SMYD4: variants seen among roughly 807,000 people sequenced by gnomAD.
SMYD4 encodes protein-lysine N-methyltransferase SMYD4.
Under a neutral mutation model 72.8 loss-of-function variants are expected in SMYD4, and 68 were observed. That is an observed-to-expected ratio of 0.93 (90% CI 0.77 to 1.14). The LOEUF (loss-of-function observed/expected upper bound fraction) is 1.14, where lower values mean the gene tolerates loss of function less well. Among genes scored for constraint, SMYD4 ranks in the 50% most tolerant of loss-of-function variants. The pLI, the probability that SMYD4 is intolerant of heterozygous loss-of-function variation, is 0.00. For missense variants in SMYD4, 984 were observed against 1,003.7 expected (o/e 0.98, Z 0.27); for synonymous variants, 407 against 388.6 (o/e 1.05, Z -0.56).
chr17:1,805,648 C>T (rs768617269), intron 3 of SMYD4, among the ~76,000 whole-genome samples: 5 of 151,144 alleles, frequency 3.3e-5, no homozygotes, highest in African/African-American at 9.7e-5. Context: ...CCCATCTCTA[C>T]TAAAAATACA....
rs1296792790 is a variant in SMYD4, at chr17:1,779,567, T to A, written c.*1719A>T. On this transcript the variant is annotated 3_prime_UTR_variant, in exon 11 of 11. Coordinates refer to ENST00000305513, the MANE Select transcript of SMYD4 (RefSeq NM_052928.3). The stretch of plus-strand genomic sequence containing the variant: ...TATAAAGTCTTTACTACAACTTTGA[T>A]TTTATTAGTGGTTGGTTACTGACTC... The A allele has an allele frequency of 6.6e-6, 1 of 152,256 alleles. No homozygotes were observed. Among genetic ancestry groups the A allele is most frequent in the Non-Finnish European group, 1.5e-5 (1 of 68,056 alleles). The allele number at this position is 152,256 out of a possible 1,614,324, so 9.4% of individuals were successfully genotyped here. A position where few individuals can be genotyped will look rare whatever the true frequency, so the allele number is the denominator to read the frequency against.
chr17:1,783,227 G>A (rs1908465380), intron 9 of SMYD4, 69 bp from the exon 10 acceptor site: 1 of 1,612,794 alleles, frequency 6.2e-7, no homozygotes, highest in Admixed American at 1.7e-5. Flanking sequence ...TTTTCAGGGG[G>A]AGGAAATGGA....
intron 3 of SMYD4, among the ~76,000 whole-genome samples, chr17:1,809,910 C>T (rs1353221706): frequency 6.6e-6 from 1 of 152,120 alleles, no homozygotes; most frequent in Admixed American, 6.6e-5. Flanking sequence ...ATCCACCCAC[C>T]TCGGCCTCCC....
intron 4 of SMYD4, among the ~76,000 whole-genome samples, chr17:1,802,673 G>C (rs895190717): frequency 6.6e-6 from 1 of 152,150 alleles, no homozygotes; most frequent in Non-Finnish European, 1.5e-5. Flanking sequence ...AGTAAGTGTG[G>C]ACTTCTTACT....
At chr17:1,794,734 TA>T (rs34186438) in intron 5 of SMYD4, among the ~76,000 whole-genome samples, 113,473 of 147,428 alleles carry the variant, frequency 0.77, 44,194 homozygotes, top group African/African-American at 0.85. Flanking sequence ...TCAGTTCTCT[TA>T]AAAAAAAAAA....
intron 2 of SMYD4, among the ~76,000 whole-genome samples, chr17:1,815,942 C>T (rs141626063): frequency 0.012 from 1,851 of 151,274 alleles, 44 homozygotes; most frequent in African/African-American, 0.042. Context: ...TCAGGTGATC[C>T]GCCCGCCTTG....
intron 2 of SMYD4, among the ~76,000 whole-genome samples, chr17:1,813,084 A>G (rs909574140): frequency 6.6e-6 from 1 of 152,134 alleles, no homozygotes; most frequent in African/African-American, 2.4e-5. Context: ...GATTACAGGC[A>G]TGCACCACCA....
At chr17:1,824,691 C>T (rs866548386) in intron 2 of SMYD4, among the ~76,000 whole-genome samples, 2 of 152,118 alleles carry the variant, frequency 1.3e-5, no homozygotes, top group East Asian at 1.9e-4. Flanking sequence ...ACAATCTCAG[C>T]GCACTGCACC....
intron 3 of SMYD4, among the ~76,000 whole-genome samples, chr17:1,806,196 GA>G (rs913121504): frequency 3.9e-5 from 6 of 152,064 alleles, no homozygotes; most frequent in Non-Finnish European, 8.8e-5. Flanking sequence ...ACAAATACAT[GA>G]AATTCTTTAA....
At chr17:1,783,225 G>A in intron 9 of SMYD4, 67 bp from the exon 10 acceptor site, 1 of 1,612,822 alleles carries the variant, frequency 6.2e-7, no homozygotes, top group Non-Finnish European at 8.5e-7. Flanking sequence ...TATTTTCAGG[G>A]GGAGGAAATG....
intron 8 of SMYD4, 38 bp downstream of exon 8, chr17:1,784,283 AAAGGG>A (rs745386642): frequency 2.0e-5 from 33 of 1,611,962 alleles, no homozygotes; most frequent in Non-Finnish European, 2.7e-5. Flanking sequence ...AGAACAAATA[AAAGGG>A]AAGGGGCTGG....
chr17:1,810,828 G>A (rs771603193), intron 3 of SMYD4, among the ~76,000 whole-genome samples: 3 of 152,228 alleles, frequency 2.0e-5, no homozygotes, highest in Non-Finnish European at 2.9e-5. Context: ...GCATGCCATC[G>A]ACCAGTGCAG....
In SMYD4 at chr17:1,800,591, ACACT is replaced by A. The variant is rs764415559; in HGVS notation, c.799_802del (p.Ser267PhefsTer14). ...TGGTGGCAGTTCTCCTGGGTTGAGA[ACACT>A]CACAAAAGCATCCTCCTGCACCAGG... On this transcript the variant is annotated frameshift_variant, in exon 5 of 11. Transcript: ENST00000305513. LOFTEE classifies it high-confidence loss of function. The A allele has an allele frequency of 1.2e-6, 2 of 1,613,988 alleles. No homozygotes were observed. The highest frequency in any genetic ancestry group is 4.5e-5 in the East Asian group (2 of 44,896).
At chr17:1,798,776 T>G (rs1274918871) in intron 5 of SMYD4, among the ~76,000 whole-genome samples, 1 of 152,050 alleles carries the variant, frequency 6.6e-6, no homozygotes, top group African/African-American at 2.4e-5. Flanking sequence ...GGCGCATGCT[T>G]GTAATCTCAG....
chr17:1,826,490 CCAAAAAAAAAAAAA>C (rs1911175982), intron 2 of SMYD4, among the ~76,000 whole-genome samples: 1 of 39,786 alleles, frequency 2.5e-5, no homozygotes, highest in Non-Finnish European at 4.7e-5. Flanking sequence ...AAAACTCTGT[CCAAAAAAAAAAAAA>C]AAAAAAAAAA....
chr17:1,789,215 C>T (rs1194347004), intron 5 of SMYD4, among the ~76,000 whole-genome samples: 1 of 151,242 alleles, frequency 6.6e-6, no homozygotes, highest in Non-Finnish European at 1.5e-5. Flanking sequence ...TGGCAAAACC[C>T]TGTCTCTACT....
intron 5 of SMYD4, among the ~76,000 whole-genome samples, chr17:1,791,340 A>G (rs1164191059): frequency 1.3e-5 from 2 of 152,004 alleles, no homozygotes; most frequent in Non-Finnish European, 1.5e-5. Flanking sequence ...GATAAGCCCT[A>G]GTGAGAGGTT....
chr17:1,820,517 G>C (rs1326475745), intron 2 of SMYD4, among the ~76,000 whole-genome samples: 1 of 152,188 alleles, frequency 6.6e-6, no homozygotes, highest in Non-Finnish European at 1.5e-5. Flanking sequence ...TGGGATTACA[G>C]GTGTGAATGG....
intron 3 of SMYD4, among the ~76,000 whole-genome samples, chr17:1,810,464 G>A (rs1304864550): frequency 6.6e-6 from 1 of 151,952 alleles, no homozygotes; most frequent in Non-Finnish European, 1.5e-5. Flanking sequence ...TTGAACCCGG[G>A]AGGCAAATGT....
Sources: allele counts gnomAD v4.1 joint callset (sites outside exome capture counted in the v4.1 genomes callset), GRCh38; gene constraint gnomAD v4.1.1; transcripts MANE v1.5; gene names NCBI Gene and HGNC (gene_info 2026-07-23, HGNC 2026-07-21).